PTPRR: variants seen among roughly 807,000 people sequenced by gnomAD.
PTPRR encodes the protein protein tyrosine phosphatase receptor type R.
In PTPRR, 38 loss-of-function variants were observed where a neutral mutation model predicts 77.2. The observed-to-expected ratio is 0.49, with a 90% confidence interval of 0.38 to 0.65. The LOEUF (loss-of-function observed/expected upper bound fraction) is 0.65. Among genes scored for constraint, PTPRR ranks in the 30% least tolerant of loss-of-function variants. The pLI is 0.00. For missense variants in PTPRR, 744 were observed against 799.2 expected (o/e 0.93, Z 0.83); for synonymous variants, 299 against 283.1 (o/e 1.06, Z -0.57).
intron 2 of PTPRR, among the ~76,000 whole-genome samples, chr12:70,857,252 A>T (rs1892668775): frequency 1.3e-5 from 2 of 152,170 alleles, no homozygotes; most frequent in African/African-American, 4.8e-5. Context: ...CTGAGAAAGA[A>T]CAGACAGAGT....
intron 2 of PTPRR, among the ~76,000 whole-genome samples, chr12:70,885,413 T>TA (rs1314130367): frequency 6.6e-6 from 1 of 151,724 alleles, no homozygotes; most frequent in Non-Finnish European, 1.5e-5. Flanking sequence ...AACATAAAAC[T>TA]AAAAAATTAC....
intron 5 of PTPRR, among the ~76,000 whole-genome samples, chr12:70,752,680 T>C (rs1032419442): frequency 6.6e-6 from 1 of 152,192 alleles, no homozygotes; most frequent in Non-Finnish European, 1.5e-5. Context: ...ATCCCCTGAA[T>C]ATTTTCCACT....
chr12:70,860,160 T>G (rs921918581), intron 2 of PTPRR, among the ~76,000 whole-genome samples: 1 of 152,134 alleles, frequency 6.6e-6, no homozygotes, highest in Non-Finnish European at 1.5e-5. Context: ...CTCTTTTGGA[T>G]TCCACAAGGC....
chr12:70,855,183 T>C lies in PTPRR; in HGVS notation c.357+37496A>G, dbSNP rs144409152. Among the ~76,000 whole-genome samples, 84 of 152,350 alleles carry C rather than the reference T, an allele frequency of 5.5e-4. 1 individual carries two copies. The East Asian group carries it at 0.011, about 20-fold the overall frequency. ...GGTACAATAAATATTCTAGCTCTCT[T>C]TGCAGAATTAAGGAATTTCAGTTTA... is the stretch of plus-strand genomic sequence containing the variant. On this transcript the variant is annotated intron_variant, in intron 2 of 13. Transcript: ENST00000283228.
intron 2 of PTPRR, among the ~76,000 whole-genome samples, chr12:70,884,694 C>A (rs995295353): frequency 6.8e-6 from 1 of 146,628 alleles, no homozygotes; most frequent in South Asian, 2.2e-4. Context: ...GGTGAAACCC[C>A]GTCTCTACTA....
Position 70,844,048 on chromosome 12 carries a change from G to A in PTPRR, c.357+48631C>T, listed in dbSNP as rs146099312. On this transcript the variant is annotated intron_variant, in intron 2 of 13. Transcript: ENST00000283228. Reference sequence around the variant, plus strand: ...CCAGGCTCGTCTCAAACTCCTAACCGTGGGTGATCCACCCACCTCGGCCTC... The same window carrying A: ...CCAGGCTCGTCTCAAACTCCTAACCATGGGTGATCCACCCACCTCGGCCTC... Among the ~76,000 whole-genome samples the A allele has an allele frequency of 4.5e-4, 68 of 151,874 alleles. No individual in the cohort carries two copies. The East Asian group carries it at 6.0e-3, about 13-fold the overall frequency.
At chr12:70,710,932 T>C (rs7953837) in intron 6 of PTPRR, among the ~76,000 whole-genome samples, 122,270 of 152,104 alleles carry the variant, frequency 0.8, 50,708 homozygotes, top group East Asian at 1. Context: ...GAAAAAGGAA[T>C]GCTTATACAC....
intron 1 of PTPRR, among the ~76,000 whole-genome samples, chr12:70,894,717 T>C (rs923939212): frequency 4.0e-5 from 6 of 151,766 alleles, no homozygotes; most frequent in African/African-American, 1.4e-4. Flanking sequence ...CATTGAGATA[T>C]CCTGTTCTGA....
intron 6 of PTPRR, among the ~76,000 whole-genome samples, chr12:70,732,717 C>T (rs908045161): frequency 1.4e-5 from 2 of 147,916 alleles, no homozygotes; most frequent in African/African-American, 4.9e-5. Context: ...CACGTCACCA[C>T]GCCTGGCTAA....
At chr12:70,773,429 T>C (rs943908926) in intron 2 of PTPRR, among the ~76,000 whole-genome samples, 1 of 152,160 alleles carries the variant, frequency 6.6e-6, no homozygotes, top group Admixed American at 6.5e-5. Context: ...TCTTCTGTTT[T>C]CTTTTAGGCT....
intron 6 of PTPRR, among the ~76,000 whole-genome samples, chr12:70,705,561 A>G (rs1375695040): frequency 1.3e-5 from 2 of 152,082 alleles, no homozygotes; most frequent in Admixed American, 6.6e-5. Flanking sequence ...GTCCCGGAAG[A>G]TGTACTTTTG....
intron 6 of PTPRR, among the ~76,000 whole-genome samples, chr12:70,710,240 T>C (rs1888775635): frequency 6.6e-6 from 1 of 152,028 alleles, no homozygotes; most frequent in Non-Finnish European, 1.5e-5. Flanking sequence ...ATGCCAGAAA[T>C]AAGGCTGCAC....
chr12:70,775,600 C>T (rs1175520786), intron 2 of PTPRR, among the ~76,000 whole-genome samples: 2 of 152,142 alleles, frequency 1.3e-5, no homozygotes, highest in African/African-American at 2.4e-5. Context: ...GAGTCAGGAC[C>T]ACACCCAGTG....
intron 6 of PTPRR, among the ~76,000 whole-genome samples, chr12:70,733,442 A>AAAAG (rs1565672220): frequency 1.1e-5 from 1 of 93,694 alleles, no homozygotes; most frequent in African/African-American, 4.1e-5. Context: ...AAAAAAAAAA[A>AAAAG]AAAGAAAGAA....
At chr12:70,643,979 T>C (rs961342744) in intron 13 of PTPRR, among the ~76,000 whole-genome samples, 1 of 152,272 alleles carries the variant, frequency 6.6e-6, no homozygotes, top group East Asian at 1.9e-4. Flanking sequence ...ATGCTTATGT[T>C]AGAACTAAAA....
At chr12:70,639,359 G>C in intron 13 of PTPRR, 82 bp from the exon 14 acceptor site, 2 of 1,504,942 alleles carry the variant, frequency 1.3e-6, no homozygotes, top group South Asian at 2.4e-5. Context: ...TCCAAGCTAG[G>C]GTATTATGCC....
intron 2 of PTPRR, among the ~76,000 whole-genome samples, chr12:70,766,504 T>C (rs1480541401): frequency 6.6e-6 from 1 of 152,100 alleles, no homozygotes; most frequent in African/African-American, 2.4e-5. Flanking sequence ...CCAAGAAATA[T>C]GGGACTATGT....
intron 2 of PTPRR, among the ~76,000 whole-genome samples, chr12:70,883,817 T>A (rs1391438760): frequency 6.6e-6 from 1 of 152,216 alleles, no homozygotes; most frequent in African/African-American, 2.4e-5. Context: ...GGCTGAAATC[T>A]TTTGAGTGGT....
chr12:70,886,628 TA>T (rs1376502926), intron 2 of PTPRR, among the ~76,000 whole-genome samples: 3 of 152,216 alleles, frequency 2.0e-5, no homozygotes, highest in Non-Finnish European at 4.4e-5. Context: ...AAAACAAGTA[TA>T]TTTTTAATGG....
Sources: allele counts gnomAD v4.1 joint callset (sites outside exome capture counted in the v4.1 genomes callset), GRCh38; gene constraint gnomAD v4.1.1; transcripts MANE v1.5; gene names NCBI Gene and HGNC (gene_info 2026-07-23, HGNC 2026-07-21).